Variants in TMIGD2 observed in about 807,000 individuals in gnomAD.
TMIGD2 encodes transmembrane and immunoglobulin domain-containing protein 2.
In TMIGD2, 18 loss-of-function variants were observed where a neutral mutation model predicts 22.6. The observed-to-expected ratio is 0.80, with a 90% CI of 0.55 to 1.18. TMIGD2 has a LOEUF of 1.18. Ranked by LOEUF, TMIGD2 falls within the 50% of genes most tolerant of loss-of-function variation. The pLI, the probability that TMIGD2 is intolerant of heterozygous loss-of-function variation, is 0.00. For missense variants in TMIGD2, 361 were observed against 378.2 expected, an observed-to-expected ratio of 0.95 and a Z score of 0.38; for synonymous variants, 184 against 154.1, an observed-to-expected ratio of 1.19 and a Z score of -1.44.
chr19:4,301,397 G>A (rs532822737), intron 1 of TMIGD2, among the ~76,000 whole-genome samples: 23 of 152,268 alleles, frequency 1.5e-4, no homozygotes, highest in East Asian at 5.8e-4. Context: ...GACTGGGCAC[G>A]GTGGCTCACG....
exon 4 of TMIGD2, chr19:4,294,587 C>T (rs748955929): frequency 1.2e-6 from 2 of 1,612,058 alleles, no homozygotes; most frequent in Non-Finnish European, 1.7e-6. Context: ...ACCTGAGTCC[C>T]TTTGCTGGCA....
exon 5 of TMIGD2, chr19:4,292,609 C>G: frequency 6.2e-7 from 1 of 1,613,188 alleles, no homozygotes; most frequent in Non-Finnish European, 8.5e-7. Context: ...TCACTCCTCT[C>G]CCACTTTGGG....
intron 1 of TMIGD2, among the ~76,000 whole-genome samples, chr19:4,299,938 A>G (rs1450295248): frequency 2.6e-5 from 4 of 152,014 alleles, no homozygotes; most frequent in Non-Finnish European, 4.4e-5. Context: ...GTGCAGTGGC[A>G]CCTTCATAGC....
intron 4 of TMIGD2, among the ~76,000 whole-genome samples, chr19:4,293,116 A>G (rs976963227): frequency 1.3e-5 from 2 of 151,952 alleles, no homozygotes; most frequent in African/African-American, 4.8e-5. Flanking sequence ...GGCTCCCGCC[A>G]CCATGCCTGG....
At chr19:4,297,446 T>C (rs1259741389) in intron 2 of TMIGD2, among the ~76,000 whole-genome samples, 1 of 152,156 alleles carries the variant, frequency 6.6e-6, no homozygotes, top group Non-Finnish European at 1.5e-5. Flanking sequence ...CATAGCTCAC[T>C]GCAGCCTCCA....
Position 4,298,419 on chromosome 19 carries a change from G to A in TMIGD2, c.47-74C>T, listed in dbSNP as rs6510802. The stretch of plus-strand genomic sequence containing the variant: ...AGGCTGTGTGACTCACTCCCCTAGT[G>A]AGCCCGCAGTCTGGGTTTGAAACCT... On this transcript the variant is annotated intron_variant, in intron 1 of 4. Coordinates refer to ENST00000301272, the Ensembl canonical transcript of TMIGD2. The A allele has an allele frequency of 8.9e-3, 13,138 of 1,480,646 alleles. 984 individuals are homozygous for A. The African/African-American group carries it at 0.16, about 18-fold the overall frequency. 91.7% of individuals were successfully genotyped at this position (1,480,646 alleles called of 1,614,324 possible).
At chr19:4,297,090 T>TG (rs1706821514) in intron 2 of TMIGD2, among the ~76,000 whole-genome samples, 2 of 150,396 alleles carry the variant, frequency 1.3e-5, no homozygotes, top group Admixed American at 1.3e-4. Flanking sequence ...TTTTTTTTTT[T>TG]TTTTGAGACA....
rs1971490046 is a variant in TMIGD2 at position 4,298,255 on chromosome 19, AC to A, written c.136del (p.Val46TrpfsTer57). ...CCGTTCCCAGGCTGTGGCCTGGTCC[AC>A]CTGGCAGACCAGGGTCGCCTGACTG... is the stretch of plus-strand genomic sequence containing the variant. On this transcript the variant is annotated frameshift_variant, in exon 2 of 5. Transcript: ENST00000301272. LOFTEE classifies it high-confidence loss of function. 1.2e-6 allele frequency: 2 copies of A among 1,612,254 alleles called. No individual in the cohort carries two copies. The highest frequency in any genetic ancestry group is 1.3e-5 in the African/African-American group (1 of 74,916).
chr19:4,301,619 G>C (rs988330090), intron 1 of TMIGD2, among the ~76,000 whole-genome samples: 1 of 152,322 alleles, frequency 6.6e-6, no homozygotes, highest in East Asian at 1.9e-4. Context: ...GCAGTCAACC[G>C]AGATCGCGTC....
exon 1 of TMIGD2, chr19:4,302,356 G>A: frequency 6.4e-7 from 1 of 1,574,650 alleles, no homozygotes; most frequent in South Asian, 1.2e-5. Context: ...TCTGCACCAG[G>A]AGGCCCAGCA....
chr19:4,296,655 G>A (rs1353461641), intron 2 of TMIGD2, among the ~76,000 whole-genome samples: 1 of 152,186 alleles, frequency 6.6e-6, no homozygotes, highest in Admixed American at 6.5e-5. Context: ...ACATCAGAGG[G>A]GTGGGAAGAG....
Position 4,295,515 on chromosome 19 carries a change from G to A in TMIGD2, c.407-699C>T, listed in dbSNP as rs1336351842. Among the ~76,000 whole-genome samples the A allele has an allele frequency of 4.0e-5, 6 of 151,722 alleles. No individual in the cohort carries two copies. In the East Asian group the frequency reaches 1.2e-3, roughly 29 times the overall value. ...GCGGAGCTTGCAGTGAGCCAAGATCGAGCCACTGCACTCCAGCCTGGGCGA... is the reference window on the plus strand; with the variant it reads ...GCGGAGCTTGCAGTGAGCCAAGATCAAGCCACTGCACTCCAGCCTGGGCGA... On this transcript the variant is annotated intron_variant, in intron 2 of 4. Transcript: ENST00000301272.
exon 2 of TMIGD2, chr19:4,298,041 C>G: frequency 6.2e-7 from 1 of 1,613,102 alleles, no homozygotes. Flanking sequence ...ACTCAGGAAT[C>G]TCTACGGCCG....
intron 2 of TMIGD2, among the ~76,000 whole-genome samples, chr19:4,295,300 C>CCTGTA (rs1313121358): frequency 6.9e-6 from 1 of 145,926 alleles, no homozygotes; most frequent in Non-Finnish European, 1.5e-5. Context: ...GTGGCTCACA[C>CCTGTA]CTGTAATCTT....
At chr19:4,301,024 G>A (rs1290124170) in intron 1 of TMIGD2, among the ~76,000 whole-genome samples, 2 of 152,180 alleles carry the variant, frequency 1.3e-5, no homozygotes, top group Non-Finnish European at 2.9e-5. Flanking sequence ...CCAGGTGGGA[G>A]TGCAGTGGTG....
intron 1 of TMIGD2, among the ~76,000 whole-genome samples, chr19:4,300,749 G>T (rs1971526041): frequency 6.6e-6 from 1 of 152,184 alleles, no homozygotes; most frequent in Non-Finnish European, 1.5e-5. Context: ...CCATGCAAAG[G>T]CCCTGGGGCA....
chr19:4,292,801 T>A (rs1480120417), exon 5 of TMIGD2: 1 of 1,613,312 alleles, frequency 6.2e-7, no homozygotes, highest in East Asian at 2.2e-5. Context: ...CTGGCCCCTC[T>A]GGTCCTTCCC....
intron 4 of TMIGD2, among the ~76,000 whole-genome samples, chr19:4,293,380 T>C (rs545633589): frequency 1.6e-4 from 24 of 147,198 alleles, no homozygotes; most frequent in Admixed American, 1.6e-3. Context: ...CCTGCCTCAG[T>C]CTCCCTAGTA....
chr19:4,298,749 T>TA (rs201838273), intron 1 of TMIGD2, among the ~76,000 whole-genome samples: 1,721 of 146,712 alleles, frequency 0.012, 31 homozygotes, highest in African/African-American at 0.039. Context: ...AAATTTAACA[T>TA]AAAAAAAAAA....
Sources: gnomAD v4.1 joint callset for allele counts (sites outside exome capture counted in the v4.1 genomes callset) on GRCh38, gnomAD v4.1.1 for gene constraint, MANE v1.5 for transcripts, NCBI Gene and HGNC (gene_info 2026-07-23, HGNC 2026-07-21) for gene names.